The following WNK2 variants were observed in gnomAD, a reference collection of about 807,000 sequenced individuals.
WNK2 encodes the protein WNK lysine deficient protein kinase 2.
WNK2 carries 67 observed loss-of-function variants against 192.1 expected under a neutral mutation model. The observed-to-expected ratio is 0.35, with a 90% confidence interval of 0.29 to 0.43. The LOEUF (loss-of-function observed/expected upper bound fraction) is 0.43, where lower values mean the gene tolerates loss of function less well. Ranked by LOEUF, WNK2 falls within the 20% of genes least tolerant of loss-of-function variation. The probability of loss-of-function intolerance (pLI) is 1.00; values close to 1 mark genes in which losing one functional copy is unlikely to be tolerated. For synonymous variants in WNK2, 1,439 were observed against 1,393.9 expected, an observed-to-expected ratio of 1.03 and a Z score of -0.72; for missense variants, 2,698 against 3,089.7, an observed-to-expected ratio of 0.87 and a Z score of 3.01.
chr9:93,192,204 C>T (rs1367353453), intron 2 of WNK2, among the ~76,000 whole-genome samples: 1 of 151,930 alleles, frequency 6.6e-6, no homozygotes, highest in Admixed American at 6.6e-5. Context: ...GTCCCAGCTA[C>T]TCGGGAGGCT....
intron 19 of WNK2, among the ~76,000 whole-genome samples, chr9:93,285,315 T>G (rs184377701): frequency 1.2e-3 from 177 of 152,286 alleles, no homozygotes; most frequent in African/African-American, 3.9e-3. Flanking sequence ...AAGGAAGAAA[T>G]AAAACTACCA....
intron 2 of WNK2, among the ~76,000 whole-genome samples, chr9:93,211,780 C>T (rs995329351): frequency 6.6e-6 from 1 of 152,178 alleles, no homozygotes; most frequent in African/African-American, 2.4e-5. Context: ...CTTACTCATT[C>T]ACTCTCATCC....
At chr9:93,308,270 C>G (rs1852973455) in intron 27 of WNK2, 58 bp from the exon 28 acceptor site, 1 of 1,516,972 alleles carries the variant, frequency 6.6e-7, no homozygotes, top group Non-Finnish European at 8.9e-7. Flanking sequence ...GGCCAGCCCA[C>G]TGGGGGCCTG....
At chr9:93,293,623 C>T (rs1397197493) in intron 23 of WNK2, among the ~76,000 whole-genome samples, 1 of 152,146 alleles carries the variant, frequency 6.6e-6, no homozygotes, top group Non-Finnish European at 1.5e-5. Flanking sequence ...CCCAGCATCC[C>T]TGTGGTTTTG....
At chr9:93,212,175 T>A (rs967319391) in intron 2 of WNK2, among the ~76,000 whole-genome samples, 2 of 152,262 alleles carry the variant, frequency 1.3e-5, no homozygotes, top group Non-Finnish European at 2.9e-5. Flanking sequence ...TCTTCAATTG[T>A]GGGAGGTGCC....
intron 1 of WNK2, among the ~76,000 whole-genome samples, chr9:93,184,706 G>T (rs1227116331): frequency 6.6e-6 from 1 of 152,142 alleles, no homozygotes; most frequent in Non-Finnish European, 1.5e-5. Context: ...CCTCTCCGCA[G>T]CCTGGGGCTG....
At chr9:93,206,960 C>T (rs1340834608) in intron 2 of WNK2, among the ~76,000 whole-genome samples, 1 of 152,134 alleles carries the variant, frequency 6.6e-6, no homozygotes, top group Non-Finnish European at 1.5e-5. Context: ...ACTCCCTGGC[C>T]CTGTCTCTTT....
intron 8 of WNK2, 31 bp from the exon 9 acceptor site, chr9:93,252,852 C>T: frequency 1.5e-6 from 2 of 1,366,866 alleles, no homozygotes; most frequent in Non-Finnish European, 1.9e-6. Flanking sequence ...TTGGAGATGT[C>T]CACTCTAAGT....
chr9:93,196,811 G>A (rs1407493887), intron 2 of WNK2, among the ~76,000 whole-genome samples: 2 of 152,158 alleles, frequency 1.3e-5, no homozygotes, highest in East Asian at 3.9e-4. Context: ...GGCTGTGGGT[G>A]GAGCGTGCCT....
At chr9:93,312,139 T>A (rs1306660253) in intron 28 of WNK2, among the ~76,000 whole-genome samples, 1 of 152,106 alleles carries the variant, frequency 6.6e-6, no homozygotes, top group Non-Finnish European at 1.5e-5. Flanking sequence ...GTTTTAGGAA[T>A]TTTCTGCATA....
chr9:93,256,487 T>A (rs1208633071), intron 10 of WNK2, 33 bp downstream of exon 10: 8 of 1,491,098 alleles, frequency 5.4e-6, no homozygotes, highest in African/African-American at 1.4e-5. Context: ...CCACTGTCCC[T>A]CCAGGCAGGC....
Position 93,239,627 on chromosome 9 carries a change from C to A in WNK2, c.1323-130C>A. On this transcript the variant is annotated intron_variant, in intron 6 of 29. Coordinates refer to ENST00000427277, the MANE Select transcript of WNK2 (RefSeq NM_006648.4). This position sits in a 1 kb window ranked among gnomAD's most constrained non-coding sequence, Gnocchi z 4.2. ...AATCTTTTCTTTACCCCTGGGAGTGCTGAGACATGAGGCCTGGCCTCAGGC... is the reference window on the plus strand; with the variant it reads ...AATCTTTTCTTTACCCCTGGGAGTGATGAGACATGAGGCCTGGCCTCAGGC... 1.4e-6 allele frequency: 1 copy of A among 713,522 alleles called. No individual in the cohort carries two copies. Among genetic ancestry groups the A allele is most frequent in the Non-Finnish European group, 2.3e-6 (1 of 433,380 alleles). 44.2% of individuals were successfully genotyped at this position (713,522 alleles called of 1,614,324 possible). A position where few individuals can be genotyped will look rare whatever the true frequency, so the allele number is the denominator to read the frequency against.
In WNK2 at chr9:93,256,378, G is replaced by T. The variant is rs777786933; in HGVS notation, c.2114G>T (p.Ser705Ile). The T allele has an allele frequency of 6.4e-7, 1 of 1,570,900 alleles. No homozygotes were observed. The highest frequency in any genetic ancestry group is 8.6e-7 in the Non-Finnish European group (1 of 1,164,614). Residue 705 changes from serine to isoleucine, a missense_variant, in exon 10 of 30, where the codon AGC becomes ATC. By Grantham distance (142) the Ser-to-Ile change is moderately radical. Transcript: ENST00000427277. Reference protein sequence around the residue: ...LQQHFPDPAMSFAPVLPPPST... With the variant: ...LQQHFPDPAMIFAPVLPPPST... ...CAGCACTTCCCGGATCCGGCCATGA[G>T]CTTCGCCCCCGTGCTGCCGCCGCCC... is the stretch of plus-strand genomic sequence containing the variant.
chr9:93,257,521 G>A lies in WNK2; in HGVS notation c.2382+382G>A, dbSNP rs929317830. Among the ~76,000 whole-genome samples, 1 of 152,194 alleles carries A rather than the reference G, an allele frequency of 6.6e-6. No individual in the cohort carries two copies. Among genetic ancestry groups the A allele is most frequent in the Non-Finnish European group, 1.5e-5 (1 of 68,030 alleles). On this transcript the variant is annotated intron_variant, in intron 11 of 29. Transcript: ENST00000427277. This position sits in a 1 kb window ranked among gnomAD's most constrained non-coding sequence, Gnocchi z 4.7. ...CCATCACCTGGCACCCTCCCAGCAA[G>A]GTGCCCATCTGCCCTCAGCTTACCC... is the stretch of plus-strand genomic sequence containing the variant.
Position 93,289,640 on chromosome 9 carries a change from C to G in WNK2, c.4866+20C>G. ...CCCTTGGTGAGTAGCTGCCTTGTCC[C>G]AGAGACACTGCCCTGGGTCAGGGGC... On this transcript the variant is annotated intron_variant, in intron 20 of 29. Coordinates refer to ENST00000427277, the MANE Select transcript of WNK2 (RefSeq NM_006648.4). 1.4e-6 allele frequency: 2 copies of G among 1,444,418 alleles called. No homozygotes were observed. Among genetic ancestry groups the G allele is most frequent in the Non-Finnish European group, 1.8e-6 (2 of 1,103,554 alleles). 89.5% of individuals were successfully genotyped at this position (1,444,418 alleles called of 1,614,324 possible).
chr9:93,236,289 C>T (rs988343235), intron 5 of WNK2, among the ~76,000 whole-genome samples: 11 of 152,114 alleles, frequency 7.2e-5, no homozygotes, highest in African/African-American at 1.7e-4. Flanking sequence ...TGGTGCTCCT[C>T]GACCCTGGGG....
intron 19 of WNK2, 30 bp from the exon 20 acceptor site, chr9:93,288,758 G>A (rs746327745): frequency 1.3e-6 from 2 of 1,579,170 alleles, no homozygotes; most frequent in East Asian, 2.3e-5. Context: ...GAGTACCCTG[G>A]TACAAAGGCA....
intron 19 of WNK2, among the ~76,000 whole-genome samples, chr9:93,282,488 A>G (rs4147136): frequency 0.88 from 133,441 of 151,042 alleles, 59,904 homozygotes; most frequent in East Asian, 0.98. Context: ...GAACAAAGAC[A>G]TAAGATTATA....
chr9:93,219,271 A>G (rs1836358021), intron 2 of WNK2, among the ~76,000 whole-genome samples: 1 of 152,180 alleles, frequency 6.6e-6, no homozygotes, highest in African/African-American at 2.4e-5. Flanking sequence ...CCATTGGTCA[A>G]CATGCCGTGG....
Sources: allele counts gnomAD v4.1 joint callset (sites outside exome capture counted in the v4.1 genomes callset), GRCh38; gene constraint gnomAD v4.1.1; non-coding constraint Gnocchi (gnomAD v3.1); transcripts MANE v1.5; gene names NCBI Gene and HGNC (gene_info 2026-07-23, HGNC 2026-07-21).